Variants in HTR1F observed in about 807,000 individuals in gnomAD.
The protein encoded by HTR1F is 5-hydroxytryptamine (serotonin) receptor 1F, G protein-coupled.
HTR1F carries 17 observed loss-of-function variants against 24.0 expected under a neutral mutation model. The observed-to-expected ratio is 0.71, with a 90% confidence interval of 0.48 to 1.06. HTR1F has a LOEUF of 1.06. HTR1F is among the 50% of genes least tolerant of loss of function. The pLI is 0.00. For synonymous variants in HTR1F, 186 were observed against 156.8 expected (o/e 1.19, Z -1.39); for missense variants, 391 against 427.8 (o/e 0.91, Z 0.76).
intron 2 of HTR1F, among the ~76,000 whole-genome samples, chr3:87,919,741 G>A (rs1202951067): frequency 2.0e-5 from 3 of 151,922 alleles, no homozygotes; most frequent in African/African-American, 7.2e-5. Flanking sequence ...TGGATGCAGT[G>A]GACAGGGCAC....
Position 87,991,320 on chromosome 3 carries a change from T to C in HTR1F, c.571T>C (p.Tyr191His), listed in dbSNP as rs1267334866. The C allele has an allele frequency of 1.2e-6, 2 of 1,613,872 alleles. No homozygotes were observed. The highest frequency in any genetic ancestry group is 1.7e-6 in the Non-Finnish European group (2 of 1,179,994). The change falls in exon 3 of 3, where the codon TAC becomes CAC. Residue 191 changes from tyrosine to histidine, a missense_variant. Coordinates refer to ENST00000319595, the MANE Select transcript of HTR1F (RefSeq NM_001322209.2). ...CATTTACTCAACATTTGGAGCTTTC[T>C]ACATCCCACTGGCATTGATTTTGAT... ...STIYSTFGAF[Y>H]IPLALILILY...
intron 1 of HTR1F, among the ~76,000 whole-genome samples, chr3:87,797,819 C>T (rs917002703): frequency 8.5e-5 from 13 of 152,052 alleles, no homozygotes; most frequent in African/African-American, 2.9e-4. Flanking sequence ...TTACTAATGT[C>T]GGAAGTAGAC....
At chr3:87,873,133 C>CACACACACAGAGAGAG (rs370152361) in intron 2 of HTR1F, among the ~76,000 whole-genome samples, 1 of 130,186 alleles carries the variant, frequency 7.7e-6, no homozygotes, top group Non-Finnish European at 1.8e-5. Flanking sequence ...CACACACACA[C>CACACACACAGAGAGAG]AGAGAGATTT....
At chr3:87,937,624 G>T (rs999881359) in intron 2 of HTR1F, among the ~76,000 whole-genome samples, 1 of 151,964 alleles carries the variant, frequency 6.6e-6, no homozygotes, top group Non-Finnish European at 1.5e-5. Flanking sequence ...AGAGCAATCA[G>T]GTAAAAGAAA....
intron 2 of HTR1F, among the ~76,000 whole-genome samples, chr3:87,835,426 A>G (rs920430021): frequency 6.6e-6 from 1 of 152,216 alleles, no homozygotes; most frequent in Non-Finnish European, 1.5e-5. Flanking sequence ...AGCCTGGTCA[A>G]AATGGTTATA....
At chr3:87,916,811 C>T (rs1182340596) in intron 2 of HTR1F, among the ~76,000 whole-genome samples, 1 of 152,086 alleles carries the variant, frequency 6.6e-6, no homozygotes, top group Non-Finnish European at 1.5e-5. Context: ...GTCATCAAGA[C>T]AGAAAGTCAA....
chr3:87,849,911 C>A (rs1443333206), intron 2 of HTR1F, among the ~76,000 whole-genome samples: 1 of 151,852 alleles, frequency 6.6e-6, no homozygotes, highest in Non-Finnish European at 1.5e-5. Flanking sequence ...CAATGAGATA[C>A]CATCTCACAC....
At chr3:87,871,009 T>G (rs1575969138) in intron 2 of HTR1F, among the ~76,000 whole-genome samples, 2 of 143,894 alleles carry the variant, frequency 1.4e-5, no homozygotes, top group Non-Finnish European at 3.0e-5. Flanking sequence ...AAAAATCACG[T>G]GAAGAAACAG....
At chr3:87,936,130 G>A (rs574049132) in intron 2 of HTR1F, among the ~76,000 whole-genome samples, 22 of 152,286 alleles carry the variant, frequency 1.4e-4, no homozygotes, top group East Asian at 3.9e-4. Context: ...GATTACAGGC[G>A]TGAGCCACTG....
chr3:87,883,744 G>A (rs1705866888), intron 2 of HTR1F, among the ~76,000 whole-genome samples: 1 of 152,156 alleles, frequency 6.6e-6, no homozygotes, highest in Admixed American at 6.5e-5. Context: ...AAGGATATCA[G>A]TGATTGAATA....
In HTR1F at chr3:87,874,732, C is replaced by T. The variant is rs1447306944; in HGVS notation, c.-43+52608C>T. Among the ~76,000 whole-genome samples, 8 of 151,980 alleles carry T rather than the reference C, an allele frequency of 5.3e-5. No individual in the cohort carries two copies. In the East Asian group the frequency reaches 1.5e-3, roughly 29 times the overall value. On this transcript the variant is annotated intron_variant, in intron 2 of 2. Transcript: ENST00000319595. ...AAACAAAGCTAGAAATCTTACAGTT[C>T]CTGTCTTCAAAACATATTACAAAGC...
At chr3:87,852,799 T>G (rs867090781) in intron 2 of HTR1F, among the ~76,000 whole-genome samples, 8 of 151,744 alleles carry the variant, frequency 5.3e-5, no homozygotes, top group Admixed American at 2.0e-4. Flanking sequence ...CCGTGAGAAA[T>G]TTGTTTTATG....
intron 2 of HTR1F, among the ~76,000 whole-genome samples, chr3:87,968,322 C>T (rs771679200): frequency 1.3e-5 from 2 of 152,064 alleles, no homozygotes; most frequent in Non-Finnish European, 2.9e-5. Context: ...AAGCAATTCT[C>T]CTGCCTCAGC....
chr3:87,975,273 A>C (rs1705369648), intron 2 of HTR1F, among the ~76,000 whole-genome samples: 1 of 152,142 alleles, frequency 6.6e-6, no homozygotes, highest in Non-Finnish European at 1.5e-5. Context: ...AAAAAGGAGA[A>C]AAAAATCCAA....
At chr3:87,909,131 G>A (rs528854416) in intron 2 of HTR1F, among the ~76,000 whole-genome samples, 1 of 152,092 alleles carries the variant, frequency 6.6e-6, no homozygotes, top group South Asian at 2.1e-4. Flanking sequence ...AGAGTCACCA[G>A]TGGTAAATAC....
chr3:87,879,820 C>G (rs925564779), intron 2 of HTR1F, among the ~76,000 whole-genome samples: 17 of 152,024 alleles, frequency 1.1e-4, no homozygotes, highest in Non-Finnish European at 1.9e-4. Flanking sequence ...ATCAGCCTAT[C>G]TTATTTCTCA....
At chr3:87,939,455 G>A (rs55960285) in intron 2 of HTR1F, among the ~76,000 whole-genome samples, 17,089 of 152,168 alleles carry the variant, frequency 0.11, 1,185 homozygotes, top group Non-Finnish European at 0.16. Context: ...AATGGTACCA[G>A]CTCCTCTTGT....
rs535070064 is a variant in HTR1F, at chr3:87,891,724, A to G, written c.-43+69600A>G. On this transcript the variant is annotated intron_variant, in intron 2 of 2. Coordinates refer to ENST00000319595, the MANE Select transcript of HTR1F (RefSeq NM_001322209.2). Reference sequence around the variant, plus strand: ...TGATTGATACTTCGTTGTTTCTCTCACTGAACTCTTTTTCATGAAGGAATG... The same window carrying G: ...TGATTGATACTTCGTTGTTTCTCTCGCTGAACTCTTTTTCATGAAGGAATG... 1.1e-4 allele frequency among the ~76,000 whole-genome samples: 16 copies of G among 152,262 alleles called. No homozygotes were observed. The South Asian group carries it at 2.3e-3, about 22-fold the overall frequency.
chr3:87,911,775 T>C (rs1280534065), intron 2 of HTR1F, among the ~76,000 whole-genome samples: 1 of 152,124 alleles, frequency 6.6e-6, no homozygotes, highest in Non-Finnish European at 1.5e-5. Context: ...CACAAATCAA[T>C]AAATGTGATT....
Sources: gnomAD v4.1 joint callset for allele counts (sites outside exome capture counted in the v4.1 genomes callset) on GRCh38, gnomAD v4.1.1 for gene constraint, MANE v1.5 for transcripts, NCBI Gene and HGNC (gene_info 2026-07-23, HGNC 2026-07-21) for gene names.